ZNF595: variants seen among roughly 807,000 people sequenced by gnomAD.
ZNF595 encodes the protein zinc finger protein 595.
Under a neutral mutation model 19.4 loss-of-function variants are expected in ZNF595, and 9 were observed. That is an observed-to-expected ratio of 0.46 (90% confidence interval 0.28 to 0.81). The LOEUF (loss-of-function observed/expected upper bound fraction) is 0.81, where lower values mean the gene tolerates loss of function less well. ZNF595 is among the 30% of genes least tolerant of loss of function. The pLI is 0.11. For synonymous variants in ZNF595, 255 were observed against 255.9 expected (o/e 1.00, Z 0.03); for missense variants, 729 against 736.0 (o/e 0.99, Z 0.11).
intron 3 of ZNF595, among the ~76,000 whole-genome samples, chr4:66,272 TTG>T (rs1230103842): frequency 1.3e-5 from 2 of 152,160 alleles, no homozygotes; most frequent in Admixed American, 1.3e-4. Flanking sequence ...TTTTCAATAA[TTG>T]TGTATTTCAT....
Position 87,396 on chromosome 4 carries a change from G to C in ZNF595, c.1892G>C (p.Arg631Pro). ...KCEECGKAFN[R>P]PSTLTVHKRI... Reference sequence around the variant, plus strand: ...GAAGAATGTGGCAAAGCTTTTAATCGGCCCTCAACCCTTACTGTACACAAG... The same window carrying C: ...GAAGAATGTGGCAAAGCTTTTAATCCGCCCTCAACCCTTACTGTACACAAG... Residue 631 changes from arginine to proline, a missense_variant, in exon 4 of 4, where the codon CGG becomes CCG. By Grantham distance (103) the Arg-to-Pro change is moderately radical. Around this residue, in one of 2 missense-constraint regions of ZNF595, gnomAD observed 729 missense variants for 675.3 expected, o/e 1.08. Coordinates refer to ENST00000610261, the MANE Select transcript of ZNF595 (RefSeq NM_182524.4). The C allele has an allele frequency of 6.2e-7, 1 of 1,612,274 alleles. No individual in the cohort carries two copies. The highest frequency in any genetic ancestry group is 1.1e-5 in the South Asian group (1 of 90,666).
Position 85,798 on chromosome 4 carries a change from T to C in ZNF595, c.294T>C (p.Leu98=), listed in dbSNP as rs368785084. The change falls in exon 4 of 4, where the codon CTT becomes CTC. Residue 98 remains leucine (L), a synonymous_variant. Transcript: ENST00000610261. ...VQGIEDSFHK[L]ILKRYEKCGH... is the part of the protein sequence containing the mutation. ...GGATAGAAGATTCATTCCACAAACT[T>C]ATACTGAAAAGATACGAGAAATGTG... 6.8e-5 allele frequency: 109 copies of C among 1,613,586 alleles called. No individual in the cohort carries two copies. The highest frequency in any genetic ancestry group is 8.6e-5 in the Non-Finnish European group (102 of 1,179,764).
intron 3 of ZNF595, among the ~76,000 whole-genome samples, chr4:85,204 G>A (rs1435987858): frequency 2.0e-5 from 3 of 152,164 alleles, no homozygotes; most frequent in African/African-American, 7.2e-5. Flanking sequence ...CCTATTCCCT[G>A]TATTTAACAC....
rs1258566318 is a variant in ZNF595 at position 88,181 on chromosome 4, A to C, written c.*730A>C. 1 of 152,190 alleles carries C rather than the reference A, an allele frequency of 6.6e-6. No individual in the cohort carries two copies. Among genetic ancestry groups the C allele is most frequent in the Non-Finnish European group, 1.5e-5 (1 of 68,046 alleles). 9.4% of individuals were successfully genotyped at this position (152,190 alleles called of 1,614,324 possible). On this transcript the variant is annotated 3_prime_UTR_variant, in exon 4 of 4. Coordinates refer to ENST00000610261, the MANE Select transcript of ZNF595 (RefSeq NM_182524.4). ...TGAACATGTAGCATCTCTTTCCGCA[A>C]ATAAATGCAGACTTTGGTTTTGATT...
chr4:70,764 T>C (rs1713394398), intron 3 of ZNF595, among the ~76,000 whole-genome samples: 1 of 152,254 alleles, frequency 6.6e-6, no homozygotes, highest in Non-Finnish European at 1.5e-5. Context: ...CTCTGTAGAA[T>C]CATTTATAGT....
At chr4:60,803 A>G (rs1581322323) in intron 3 of ZNF595, among the ~76,000 whole-genome samples, 1 of 152,290 alleles carries the variant, frequency 6.6e-6, no homozygotes, top group African/African-American at 2.4e-5. Flanking sequence ...GTTTTTCCAA[A>G]TATGAAAAAA....
chr4:87,322 C>G lies in ZNF595; in HGVS notation c.1818C>G (p.Ser606=). The change falls in exon 4 of 4, where the codon TCC becomes TCG. Residue 606 remains serine, a synonymous_variant. Coordinates refer to ENST00000610261, the MANE Select transcript of ZNF595 (RefSeq NM_182524.4). ...ECGKAFNWSS[S]LTKHKIIHTG... ...GCAAAGCCTTCAATTGGTCCTCATCCCTTACTAAACATAAGATAATTCATA... is the reference window on the plus strand; with the variant it reads ...GCAAAGCCTTCAATTGGTCCTCATCGCTTACTAAACATAAGATAATTCATA... The G allele has an allele frequency of 1.2e-6, 2 of 1,613,198 alleles. No homozygotes were observed. Among genetic ancestry groups the G allele is most frequent in the South Asian group, 1.1e-5 (1 of 90,794 alleles).
intron 3 of ZNF595, among the ~76,000 whole-genome samples, chr4:85,414 C>T (rs1024297415): frequency 2.6e-5 from 4 of 152,154 alleles, no homozygotes; most frequent in Non-Finnish European, 5.9e-5. Context: ...ACAGTTTACT[C>T]CTATAGGCAC....
intron 3 of ZNF595, among the ~76,000 whole-genome samples, chr4:80,191 T>A (rs1419551010): frequency 2.6e-5 from 4 of 152,150 alleles, no homozygotes; most frequent in African/African-American, 4.8e-5. Flanking sequence ...CCCGGCTAAT[T>A]TTGTATTTTT....
rs782402725 is a variant in ZNF595 at position 86,541 on chromosome 4, G to A, written c.1037G>A (p.Gly346Asp). Residue 346 changes from glycine (G) to aspartate (D), a missense_variant, in exon 4 of 4, where the codon GGC (glycine) becomes GAC (aspartate). Coordinates refer to ENST00000610261, the MANE Select transcript of ZNF595 (RefSeq NM_182524.4). ...AAACCCTACACATGTGAAAAATGTG[G>A]CAAAGCTTTTAACCAATCCTCAAGT... The part of the protein sequence containing the change: ...GEKPYTCEKC[G>D]KAFNQSSSLI... The A allele has an allele frequency of 2.4e-5, 38 of 1,613,654 alleles. No homozygotes were observed. Among genetic ancestry groups the A allele is most frequent in the Non-Finnish European group, 3.1e-5 (36 of 1,179,866 alleles).
rs200616637 is a variant in ZNF595, at chr4:86,210, G to C, written c.706G>C (p.Ala236Pro). 6.2e-7 allele frequency: 1 copy of C among 1,613,790 alleles called. No individual in the cohort carries two copies. Among genetic ancestry groups the C allele is most frequent in the Admixed American group, 1.7e-5 (1 of 60,004 alleles). ...KPYTCEECGK[A>P]FRRSTVLNEH... ...CTACACATGTGAAGAATGTGGCAAA[G>C]CCTTTAGACGGTCCACAGTTCTGAA... The change falls in exon 4 of 4, where the codon GCC becomes CCC. Residue 236 changes from alanine to proline, a missense_variant. By Grantham distance (27) the Ala-to-Pro change is conservative. Around this residue, in one of 2 missense-constraint regions of ZNF595, gnomAD observed 729 missense variants for 675.3 expected, o/e 1.08. Coordinates refer to ENST00000610261, the MANE Select transcript of ZNF595 (RefSeq NM_182524.4).
chr4:76,573 A>C (rs1435641617), intron 3 of ZNF595, among the ~76,000 whole-genome samples: 1 of 152,194 alleles, frequency 6.6e-6, no homozygotes, highest in Non-Finnish European at 1.5e-5. Context: ...GTTGTAAATT[A>C]GAAGTCCGTT....
chr4:70,120 A>G (rs1553797671), intron 3 of ZNF595, among the ~76,000 whole-genome samples: 1 of 152,140 alleles, frequency 6.6e-6, no homozygotes, highest in South Asian at 2.1e-4. Context: ...ACTAAAGAGT[A>G]ATTGACATTG....
In ZNF595 at chr4:87,238, C is replaced by T. The variant is rs1428524141; in HGVS notation, c.1734C>T (p.Thr578=). Residue 578 remains threonine (T), a synonymous_variant, in exon 4 of 4, where the codon ACC becomes ACT. Coordinates refer to ENST00000610261, the MANE Select transcript of ZNF595 (RefSeq NM_182524.4). ...ECGKAYNLSS[T]LTKHKRIHTG... is the part of the protein sequence containing the mutation. The stretch of plus-strand genomic sequence containing the variant: ...GCAAAGCCTATAACTTATCCTCAAC[C>T]CTTACTAAACATAAGAGAATTCATA... 3 of 1,594,496 alleles carry T rather than the reference C, an allele frequency of 1.9e-6. No individual in the cohort carries two copies. In the African/African-American group the frequency reaches 4.0e-5, roughly 21 times the overall value.
intron 3 of ZNF595, among the ~76,000 whole-genome samples, chr4:75,318 C>T (rs1460530805): frequency 6.6e-6 from 1 of 152,188 alleles, no homozygotes; most frequent in East Asian, 1.9e-4. Context: ...AAGAGCATGC[C>T]ATTCCCATCT....
At position 86,524 on chromosome 4, in the gene ZNF595, C is replaced by T. The variant is rs1553801608; in HGVS notation, c.1020C>T (p.Tyr340=). ...ATATTCATACTGGCGAAAAACCCTA[C>T]ACATGTGAAAAATGTGGCAAAGCTT... The part of the protein sequence containing the change: ...HKNIHTGEKP[Y]TCEKCGKAFN... Residue 340 remains tyrosine (Y), a synonymous_variant, in exon 4 of 4, where the codon TAC becomes TAT. Coordinates refer to ENST00000610261, the MANE Select transcript of ZNF595 (RefSeq NM_182524.4). 1.9e-6 allele frequency: 3 copies of T among 1,613,854 alleles called. No individual in the cohort carries two copies.
chr4:82,620 G>C (rs1222369345), intron 3 of ZNF595, among the ~76,000 whole-genome samples: 3 of 151,972 alleles, frequency 2.0e-5, no homozygotes, highest in African/African-American at 4.8e-5. Context: ...ATGACCTCAA[G>C]TGATCTGCTT....
intron 3 of ZNF595, among the ~76,000 whole-genome samples, chr4:82,241 T>TGACAGA (rs1303846226): frequency 2.6e-5 from 4 of 152,178 alleles, no homozygotes; most frequent in Admixed American, 2.6e-4. Flanking sequence ...ATTAAAAATG[T>TGACAGA]GACAGAGATT....
chr4:73,419 T>G (rs1366099489), intron 3 of ZNF595, among the ~76,000 whole-genome samples: 1 of 152,178 alleles, frequency 6.6e-6, no homozygotes, highest in Non-Finnish European at 1.5e-5. Flanking sequence ...GAGAGAAACT[T>G]AAGCAAAGTT....
Sources: allele counts gnomAD v4.1 joint callset (sites outside exome capture counted in the v4.1 genomes callset), GRCh38; gene constraint gnomAD v4.1.1; regional missense constraint gnomAD v4.1.1; transcripts MANE v1.5; gene names NCBI Gene and HGNC (gene_info 2026-07-23, HGNC 2026-07-21).